RASAL2: variants seen among roughly 807,000 people sequenced by gnomAD.
The protein encoded by RASAL2 is RAS protein activator like 2.
RASAL2 carries 58 observed loss-of-function variants against 128.9 expected under a neutral mutation model. The ratio of observed to expected loss-of-function variants is 0.45; its 90% CI spans 0.36 to 0.56. The LOEUF is 0.56. Among genes scored for constraint, RASAL2 ranks in the 20% least tolerant of loss-of-function variants. The pLI is 0.00. For missense variants in RASAL2, 1,360 were observed against 1,601.6 expected (o/e 0.85, Z 2.57); for synonymous variants, 561 against 580.8 (o/e 0.97, Z 0.49).
intron 1 of RASAL2, among the ~76,000 whole-genome samples, chr1:178,199,092 G>A (rs969997515): frequency 2.0e-5 from 3 of 152,200 alleles, no homozygotes; most frequent in African/African-American, 7.2e-5. Flanking sequence ...GGCTTCGTGG[G>A]CGTGGGACCC....
intron 4 of RASAL2, chr1:178,411,849 C>G (rs186150883): frequency 2.0e-5 from 15 of 751,052 alleles, no homozygotes; most frequent in African/African-American, 1.9e-4. Flanking sequence ...ACGTCAAACT[C>G]TGGGCCACAG....
chr1:178,400,354 T>C (rs1673538488), intron 4 of RASAL2, among the ~76,000 whole-genome samples: 1 of 152,226 alleles, frequency 6.6e-6, no homozygotes, highest in Non-Finnish European at 1.5e-5. Context: ...CCTTCCATCC[T>C]TGCTAAAAGT....
intron 4 of RASAL2, among the ~76,000 whole-genome samples, chr1:178,397,327 C>T (rs948899183): frequency 2.6e-5 from 4 of 152,174 alleles, no homozygotes; most frequent in African/African-American, 4.8e-5. Flanking sequence ...CATGCCACAA[C>T]ATGAATGAAC....
intron 4 of RASAL2, among the ~76,000 whole-genome samples, chr1:178,418,328 G>T (rs1674906264): frequency 6.6e-6 from 1 of 152,112 alleles, no homozygotes; most frequent in Non-Finnish European, 1.5e-5. Flanking sequence ...GTGTTATTGA[G>T]AAAATCATAA....
At chr1:178,393,007 T>C (rs1019083241) in intron 4 of RASAL2, among the ~76,000 whole-genome samples, 25 of 152,336 alleles carry the variant, frequency 1.6e-4, no homozygotes, top group African/African-American at 5.8e-4. Context: ...AGAGGAAATT[T>C]ATATGGCTAC....
rs61813779 is a variant in RASAL2, at chr1:178,106,844, G to C, written c.202+12150G>C. On this transcript the variant is annotated intron_variant, in intron 1 of 17. Coordinates refer to ENST00000367649, the MANE Select transcript of RASAL2 (RefSeq NM_170692.4). The stretch of plus-strand genomic sequence containing the variant: ...TTTTCAGTTATTTGCATTTTAGGTT[G>C]TAGTTTTGGTCTATACTGAGATTGT... Among the ~76,000 whole-genome samples the C allele has an allele frequency of 1.6e-3, 241 of 152,164 alleles. 1 individual carries two copies. The highest frequency in any genetic ancestry group is 5.7e-3 in the African/African-American group (235 of 41,546).
At chr1:178,217,016 C>T (rs1156714816) in intron 1 of RASAL2, among the ~76,000 whole-genome samples, 1 of 151,884 alleles carries the variant, frequency 6.6e-6, no homozygotes, top group African/African-American at 2.4e-5. Flanking sequence ...GCTCTTGTTG[C>T]CCAGGCTGGA....
intron 1 of RASAL2, among the ~76,000 whole-genome samples, chr1:178,162,134 T>C (rs1010526556): frequency 8.0e-5 from 12 of 149,088 alleles, no homozygotes; most frequent in Non-Finnish European, 1.8e-4. Context: ...CTGGCTAATT[T>C]TTTGTATTTT....
chr1:178,384,594 G>T (rs1311587737), intron 3 of RASAL2, among the ~76,000 whole-genome samples: 1 of 151,484 alleles, frequency 6.6e-6, no homozygotes, highest in Non-Finnish European at 1.5e-5. Flanking sequence ...TTTGAACATG[G>T]GAGGTATAGG....
At chr1:178,173,004 C>T (rs1390895967) in intron 1 of RASAL2, among the ~76,000 whole-genome samples, 1 of 152,074 alleles carries the variant, frequency 6.6e-6, no homozygotes. Flanking sequence ...ATTTCAGTTT[C>T]AGGCTTAGAT....
chr1:178,217,769 GTGCTGGT>G (rs1219460167), intron 1 of RASAL2, among the ~76,000 whole-genome samples: 1 of 152,154 alleles, frequency 6.6e-6, no homozygotes, highest in East Asian at 1.9e-4. Context: ...GCTGCTCAGG[GTGCTGGT>G]TGCTGAACAT....
At chr1:178,256,175 T>C (rs1665334283) in intron 1 of RASAL2, among the ~76,000 whole-genome samples, 3 of 152,218 alleles carry the variant, frequency 2.0e-5, no homozygotes, top group Admixed American at 6.5e-5. Flanking sequence ...ATGTGGGATG[T>C]ATCCCAGGAA....
At position 178,451,665 on chromosome 1, in the gene RASAL2, C is replaced by T. The variant is rs746950343; in HGVS notation, c.1722C>T (p.Asn574=). 5.6e-6 allele frequency: 9 copies of T among 1,613,840 alleles called. No individual in the cohort carries two copies. In the African/African-American group the frequency reaches 8.0e-5, roughly 14 times the overall value. Residue 574 remains asparagine, a synonymous_variant, in exon 10 of 18, where the codon AAC becomes AAT. Coordinates refer to ENST00000367649, the MANE Select transcript of RASAL2 (RefSeq NM_170692.4). ...SSSELIDHQS[N]LKMCCELAFC... The stretch of plus-strand genomic sequence containing the variant: ...GTGAACTGATAGACCATCAGAGCAA[C>T]CTGAAAATGTGCTGTGAGCTGGCTT...
At chr1:178,298,117 G>A (rs906222758) in intron 2 of RASAL2, among the ~76,000 whole-genome samples, 1 of 152,062 alleles carries the variant, frequency 6.6e-6, no homozygotes, top group African/African-American at 2.4e-5. Flanking sequence ...CACTTTTAAG[G>A]CAGATACAGG....
At position 178,296,157 on chromosome 1, in the gene RASAL2, A is replaced by C. The variant is rs559081614; in HGVS notation, c.331-3835A>C. 3.5e-3 allele frequency among the ~76,000 whole-genome samples: 447 copies of C among 127,526 alleles called. 4 individuals carry two copies. Among genetic ancestry groups the C allele is most frequent in the Non-Finnish European group, 2.3e-3 (151 of 66,802 alleles). 83.7% of individuals were successfully genotyped at this position (127,526 alleles called of 152,430 possible). A position where few individuals can be genotyped will look rare whatever the true frequency, so the allele number is the denominator to read the frequency against. On this transcript the variant is annotated intron_variant, in intron 2 of 17. Coordinates refer to ENST00000367649, the MANE Select transcript of RASAL2 (RefSeq NM_170692.4). Reference sequence around the variant, plus strand: ...TATATGTGTGTGTATATATGTGTATATATATGTGTGTGTGTGTGCATATAT... The same window carrying C: ...TATATGTGTGTGTATATATGTGTATCTATATGTGTGTGTGTGTGCATATAT...
At chr1:178,217,565 A>G (rs1270328995) in intron 1 of RASAL2, among the ~76,000 whole-genome samples, 1 of 152,266 alleles carries the variant, frequency 6.6e-6, no homozygotes, top group Non-Finnish European at 1.5e-5. Context: ...GCAATAAAGC[A>G]AATGTCTCAA....
chr1:178,396,016 G>A (rs569420682), intron 4 of RASAL2, among the ~76,000 whole-genome samples: 50 of 151,660 alleles, frequency 3.3e-4, no homozygotes, highest in African/African-American at 8.5e-4. Flanking sequence ...TAGAACCAAA[G>A]GTCTCAGAGC....
chr1:178,264,018 G>A (rs1294209344), intron 1 of RASAL2, among the ~76,000 whole-genome samples: 3 of 152,134 alleles, frequency 2.0e-5, no homozygotes, highest in African/African-American at 7.2e-5. Context: ...TCTTATGGGA[G>A]AAATAAAAAT....
chr1:178,478,101 C>T lies in RASAL2; in HGVS notation c.*4862C>T, dbSNP rs187563255. The T allele has an allele frequency of 4.3e-4, 66 of 152,022 alleles. No individual in the cohort carries two copies. Among genetic ancestry groups the T allele is most frequent in the African/African-American group, 1.4e-3 (60 of 41,478 alleles). The allele number at this position is 152,022 out of a possible 1,614,324, so 9.4% of individuals were successfully genotyped here. On this transcript the variant is annotated 3_prime_UTR_variant, in exon 18 of 18. Transcript: ENST00000367649. The stretch of plus-strand genomic sequence containing the variant: ...TCAGCATGCATTTTCCTTTCCTACT[C>T]AGTTGCTATCTTCCACTTAAATACC...
Sources: allele counts gnomAD v4.1 joint callset (sites outside exome capture counted in the v4.1 genomes callset), GRCh38; gene constraint gnomAD v4.1.1; transcripts MANE v1.5; gene names NCBI Gene and HGNC (gene_info 2026-07-23, HGNC 2026-07-21).